DCDC1: variants seen among roughly 807,000 people sequenced by gnomAD.
The protein encoded by DCDC1 is doublecortin domain-containing protein 1.
DCDC1 carries 200 observed loss-of-function variants against 178.3 expected under a neutral mutation model. The ratio of observed to expected loss-of-function variants is 1.12; its 90% CI spans 1.00 to 1.26. DCDC1 has a LOEUF of 1.26. Ranked by LOEUF, DCDC1 falls within the 50% of genes most tolerant of loss-of-function variation. DCDC1 has a pLI of 0.00. For synonymous variants in DCDC1, 690 were observed against 604.8 expected, an observed-to-expected ratio of 1.14 and a Z score of -2.07; for missense variants, 1,983 against 1,749.2, an observed-to-expected ratio of 1.13 and a Z score of -2.38.
At chr11:31,213,099 G>GTCT (rs1565441563) in intron 9 of DCDC1, among the ~76,000 whole-genome samples, 1 of 29,454 alleles carries the variant, frequency 3.4e-5, no homozygotes, top group African/African-American at 1.3e-4. Context: ...ATAAAGCCCA[G>GTCT]CCTCTCTCTC....
At chr11:31,213,442 G>T (rs1441046158) in intron 9 of DCDC1, among the ~76,000 whole-genome samples, 2 of 151,894 alleles carry the variant, frequency 1.3e-5, no homozygotes, top group African/African-American at 4.8e-5. Context: ...CCTTCAGCAG[G>T]GGGCGGTGGC....
chr11:31,310,457 T>C (rs965195616), intron 3 of DCDC1, among the ~76,000 whole-genome samples: 3 of 151,760 alleles, frequency 2.0e-5, no homozygotes, highest in African/African-American at 7.3e-5. Flanking sequence ...TAGCTGAGAC[T>C]ACAGGCGCAT....
chr11:30,908,933 A>G lies in DCDC1; in HGVS notation c.3918+13T>C. 6.4e-7 allele frequency: 1 copy of G among 1,573,116 alleles called. No individual in the cohort carries two copies. The highest frequency in any genetic ancestry group is 1.2e-5 in the South Asian group (1 of 83,030). On this transcript the variant is annotated intron_variant, in intron 29 of 38. Transcript: ENST00000684477. ...TATTTTTCTTTTATCTTTGAGAGGA[A>G]GGAACCACTTACTGGTTGATCAATG... is the stretch of plus-strand genomic sequence containing the variant.
intron 20 of DCDC1, among the ~76,000 whole-genome samples, chr11:31,032,357 T>C (rs1473299487): frequency 3.3e-5 from 5 of 152,196 alleles, no homozygotes; most frequent in African/African-American, 1.2e-4. Flanking sequence ...ATTCACCAGC[T>C]CATGTCTTGT....
At chr11:30,960,691 G>A (rs753112553) in intron 20 of DCDC1, among the ~76,000 whole-genome samples, 3 of 151,974 alleles carry the variant, frequency 2.0e-5, no homozygotes, top group Non-Finnish European at 4.4e-5. Context: ...TGTGGACAGG[G>A]GTGTTCTTGA....
At position 30,892,950 on chromosome 11, in the gene DCDC1, T is replaced by C. The variant is rs1943910077; in HGVS notation, c.4950A>G (p.Pro1650=). 1 of 1,613,962 alleles carries C rather than the reference T, an allele frequency of 6.2e-7. No individual in the cohort carries two copies. Among genetic ancestry groups the C allele is most frequent in the Non-Finnish European group, 8.5e-7 (1 of 1,179,840 alleles). Reference sequence around the variant, plus strand: ...TGACTGCTATACGTTTGGTTGCAATTGGAAAATTTATTTTGGATTCCATTT... The same window carrying C: ...TGACTGCTATACGTTTGGTTGCAATCGGAAAATTTATTTTGGATTCCATTT... The part of the protein sequence containing the change: ...IQEMESKINF[P]IATKRIAVKP... Residue 1650 remains proline, a synonymous_variant, in exon 36 of 39, where the codon CCA becomes CCG. Transcript: ENST00000684477.
Position 31,070,190 on chromosome 11 carries a change from T to C in DCDC1, c.2299-5037A>G, listed in dbSNP as rs554632271. Among the ~76,000 whole-genome samples the C allele has an allele frequency of 1.5e-4, 23 of 152,312 alleles. No homozygotes were observed. In the South Asian group the frequency reaches 4.3e-3, roughly 29 times the overall value. On this transcript the variant is annotated intron_variant, in intron 18 of 38. Coordinates refer to ENST00000684477, the MANE Select transcript of DCDC1 (RefSeq NM_001387274.1). ...TGTTATCTACTCTAAGACCAGGTGA[T>C]CTTGACCTCCAATGAGGCACCCACA...
chr11:31,052,514 T>G (rs1400311334), intron 20 of DCDC1, among the ~76,000 whole-genome samples: 2 of 152,130 alleles, frequency 1.3e-5, no homozygotes, highest in Non-Finnish European at 2.9e-5. Flanking sequence ...TTAACAGATA[T>G]ATACAGAACA....
chr11:31,328,177 C>A lies in DCDC1; in HGVS notation c.104G>T (p.Gly35Val). 4 of 1,611,782 alleles carry A rather than the reference C, an allele frequency of 2.5e-6. No individual in the cohort carries two copies. The highest frequency in any genetic ancestry group is 1.1e-5 in the South Asian group (1 of 90,818). The change falls in exon 3 of 39, where the codon GGC becomes GTC. Residue 35 changes from glycine (G) to valine (V), a missense_variant. By Grantham distance (109) the Gly-to-Val change is moderately radical. Coordinates refer to ENST00000684477, the MANE Select transcript of DCDC1 (RefSeq NM_001387274.1). ...GTTTACAGTATTCCCATCCAAAGTGCCTTCAGGGCTACTTTGCTGTAATAC... is the reference window on the plus strand; with the variant it reads ...GTTTACAGTATTCCCATCCAAAGTGACTTCAGGGCTACTTTGCTGTAATAC... ...MEVLQQSSPE[G>V]TLDGNTVNPI... is the part of the protein sequence containing the mutation.
intron 26 of DCDC1, among the ~76,000 whole-genome samples, chr11:30,916,318 A>C (rs910221378): frequency 1.3e-5 from 2 of 152,234 alleles, no homozygotes; most frequent in African/African-American, 4.8e-5. Context: ...TTAAGCCCCT[A>C]CTACGTGCAT....
chr11:31,076,981 C>T (rs1565252973), intron 18 of DCDC1, among the ~76,000 whole-genome samples: 2 of 152,088 alleles, frequency 1.3e-5, no homozygotes, highest in Admixed American at 1.3e-4. Context: ...CCAGCATCTA[C>T]GTTTTCTTTT....
chr11:30,986,684 G>T (rs1950665544), intron 20 of DCDC1, among the ~76,000 whole-genome samples: 1 of 151,922 alleles, frequency 6.6e-6, no homozygotes, highest in Non-Finnish European at 1.5e-5. Context: ...TGGAGACTGG[G>T]GTGTTAAGTA....
chr11:31,187,946 T>C (rs72884229), intron 9 of DCDC1, among the ~76,000 whole-genome samples: 4 of 152,344 alleles, frequency 2.6e-5, no homozygotes, highest in Non-Finnish European at 4.4e-5. Context: ...ATACTTGATA[T>C]TGTTATAATT....
intron 9 of DCDC1, among the ~76,000 whole-genome samples, chr11:31,230,373 A>C (rs1975619112): frequency 6.6e-6 from 1 of 152,064 alleles, no homozygotes; most frequent in African/African-American, 2.4e-5. Context: ...AAAAATAGAA[A>C]AAAAAAGAAA....
intron 9 of DCDC1, among the ~76,000 whole-genome samples, chr11:31,156,827 GT>G (rs1236413743): frequency 6.6e-6 from 1 of 152,166 alleles, no homozygotes; most frequent in East Asian, 1.9e-4. Context: ...GTGTGAAAAA[GT>G]GAACCAATGT....
chr11:31,005,968 A>C (rs915534064), intron 20 of DCDC1, among the ~76,000 whole-genome samples: 21 of 151,014 alleles, frequency 1.4e-4, no homozygotes, highest in Non-Finnish European at 1.6e-4. Context: ...AAAAAAAAAA[A>C]AAAAAAAAAA....
intron 1 of DCDC1, among the ~76,000 whole-genome samples, chr11:31,342,523 A>G (rs1031136344): frequency 2.0e-5 from 3 of 152,222 alleles, no homozygotes; most frequent in Non-Finnish European, 4.4e-5. Flanking sequence ...CTGTTTATAC[A>G]TAGTTTAATA....
At position 31,183,827 on chromosome 11, in the gene DCDC1, G is replaced by A. The variant is rs555888430; in HGVS notation, c.1222-46043C>T. 5.7e-4 allele frequency among the ~76,000 whole-genome samples: 87 copies of A among 152,162 alleles called. 1 individual carries two copies. The highest frequency in any genetic ancestry group is 9.3e-4 in the Non-Finnish European group (63 of 68,034). ...GAAAAACATTCCATGTTCATGGATAGGAAGAATCAATATCGTGAAAATGGC... is the reference window on the plus strand; with the variant it reads ...GAAAAACATTCCATGTTCATGGATAAGAAGAATCAATATCGTGAAAATGGC... On this transcript the variant is annotated intron_variant, in intron 9 of 38. Coordinates refer to ENST00000684477, the MANE Select transcript of DCDC1 (RefSeq NM_001387274.1).
chr11:31,280,459 C>G (rs576357509), intron 7 of DCDC1, among the ~76,000 whole-genome samples: 1 of 152,306 alleles, frequency 6.6e-6, no homozygotes, highest in South Asian at 2.1e-4. Flanking sequence ...ATAGCATTTA[C>G]TGAATTCGAA....
Sources: allele counts gnomAD v4.1 joint callset (sites outside exome capture counted in the v4.1 genomes callset), GRCh38; gene constraint gnomAD v4.1.1; transcripts MANE v1.5; gene names NCBI Gene and HGNC (gene_info 2026-07-23, HGNC 2026-07-21).